Variants in ASIC2 observed in about 807,000 individuals in gnomAD.
ASIC2 encodes acid sensing ion channel subunit 2.
A neutral mutation model predicts 57.3 loss-of-function variants in ASIC2; 25 were observed. The observed-to-expected ratio is 0.44, with a 90% CI of 0.32 to 0.61. The LOEUF is 0.61. Ranked by LOEUF, ASIC2 falls within the 20% of genes least tolerant of loss-of-function variation. The pLI is 0.06. For synonymous variants in ASIC2, 319 were observed against 307.5 expected (o/e 1.04, Z -0.39); for missense variants, 641 against 738.1 (o/e 0.87, Z 1.52).
intron 1 of ASIC2, among the ~76,000 whole-genome samples, chr17:33,163,001 C>A (rs745968150): frequency 6.6e-6 from 1 of 152,188 alleles, no homozygotes; most frequent in Non-Finnish European, 1.5e-5. Flanking sequence ...GACTGAGAGT[C>A]TACTGGCCTG....
At chr17:33,962,475 C>G (rs1243458720) in intron 1 of ASIC2, among the ~76,000 whole-genome samples, 1 of 152,200 alleles carries the variant, frequency 6.6e-6, no homozygotes, top group Admixed American at 6.5e-5. Flanking sequence ...GTTCTTCATC[C>G]CAGAGCCACA....
chr17:33,879,913 C>A (rs960249206), intron 1 of ASIC2, among the ~76,000 whole-genome samples: 4 of 152,170 alleles, frequency 2.6e-5, no homozygotes, highest in Non-Finnish European at 4.4e-5. Context: ...GTCTCTCAGA[C>A]CACAGTGCAA....
At chr17:33,635,903 T>C (rs889368234) in intron 1 of ASIC2, among the ~76,000 whole-genome samples, 1 of 152,120 alleles carries the variant, frequency 6.6e-6, no homozygotes. Context: ...CTGCAAAACT[T>C]AGAAAACCAT....
At chr17:34,125,961 G>A (rs950989030) in intron 1 of ASIC2, among the ~76,000 whole-genome samples, 8 of 152,198 alleles carry the variant, frequency 5.3e-5, no homozygotes, top group Admixed American at 2.0e-4. Flanking sequence ...TTGGTCACAC[G>A]GCTATCCCAC....
intron 1 of ASIC2, among the ~76,000 whole-genome samples, chr17:33,588,801 A>G (rs1449702976): frequency 6.6e-6 from 1 of 152,202 alleles, no homozygotes; most frequent in African/African-American, 2.4e-5. Context: ...TGACTAAGCT[A>G]AAAAAGTGTG....
intron 1 of ASIC2, among the ~76,000 whole-genome samples, chr17:33,811,142 G>T (rs1053983252): frequency 5.3e-5 from 8 of 152,172 alleles, no homozygotes; most frequent in African/African-American, 1.9e-4. Flanking sequence ...ATTTCAACCT[G>T]CAGGTCAATT....
chr17:33,805,688 C>A (rs1912248556), intron 1 of ASIC2, among the ~76,000 whole-genome samples: 1 of 152,080 alleles, frequency 6.6e-6, no homozygotes, highest in Non-Finnish European at 1.5e-5. Context: ...TTGGAGAATC[C>A]TGTTTCTGAC....
chr17:33,708,849 G>A (rs943606050), intron 1 of ASIC2, among the ~76,000 whole-genome samples: 10 of 152,094 alleles, frequency 6.6e-5, no homozygotes, highest in Non-Finnish European at 1.0e-4. Flanking sequence ...TCCCTTCCTC[G>A]CACAAGCAGG....
At chr17:33,576,708 C>T (rs1437611337) in intron 1 of ASIC2, among the ~76,000 whole-genome samples, 1 of 152,084 alleles carries the variant, frequency 6.6e-6, no homozygotes, top group Non-Finnish European at 1.5e-5. Flanking sequence ...TGATAGCATG[C>T]AAGAAGGAGA....
At chr17:33,982,842 T>G (rs1905673622) in intron 1 of ASIC2, among the ~76,000 whole-genome samples, 1 of 152,240 alleles carries the variant, frequency 6.6e-6, no homozygotes, top group South Asian at 2.1e-4. Context: ...AACCTCAATA[T>G]ATGTGTGTAT....
At chr17:33,188,219 C>T (rs1906278109) in intron 1 of ASIC2, among the ~76,000 whole-genome samples, 1 of 151,770 alleles carries the variant, frequency 6.6e-6, no homozygotes, top group African/African-American at 2.4e-5. Flanking sequence ...TTAGACACTG[C>T]AAAAGAAAAG....
At chr17:33,320,836 C>T (rs1681147058) in intron 1 of ASIC2, among the ~76,000 whole-genome samples, 1 of 152,190 alleles carries the variant, frequency 6.6e-6, no homozygotes, top group Admixed American at 6.5e-5. Flanking sequence ...TCTGTGCCCA[C>T]TGCACTCTTA....
chr17:33,932,741 A>AAAAATATATAT (rs1555572867), intron 1 of ASIC2: 2 of 58,712 alleles, frequency 3.4e-5, no homozygotes, highest in African/African-American at 1.4e-4. Flanking sequence ...AAAAAAAAAA[A>AAAAATATATAT]ATATATATAT....
chr17:33,295,700 C>G (rs1321768004), upstream of ASIC2, among the ~76,000 whole-genome samples: 3 of 152,176 alleles, frequency 2.0e-5, no homozygotes, highest in African/African-American at 7.2e-5. Context: ...TGACCTAGCA[C>G]GTTGATGAAA....
chr17:33,445,281 A>T (rs1405391195), intron 1 of ASIC2, among the ~76,000 whole-genome samples: 1 of 152,014 alleles, frequency 6.6e-6, no homozygotes, highest in African/African-American at 2.4e-5. Flanking sequence ...TACAAAAAAA[A>T]TTAACTGGGC....
chr17:33,781,105 A>T (rs1049732960), intron 1 of ASIC2, among the ~76,000 whole-genome samples: 1 of 152,074 alleles, frequency 6.6e-6, no homozygotes, highest in Non-Finnish European at 1.5e-5. Context: ...GTTGGTGTGG[A>T]GGGGGATGGG....
intron 1 of ASIC2, among the ~76,000 whole-genome samples, chr17:33,436,677 C>T (rs531837715): frequency 1.3e-5 from 2 of 152,192 alleles, no homozygotes; most frequent in East Asian, 3.9e-4. Context: ...AGTGTCAGTC[C>T]TTTCACTCAG....
intron 1 of ASIC2, among the ~76,000 whole-genome samples, chr17:33,281,364 T>C (rs567479884): frequency 6.6e-6 from 1 of 152,324 alleles, no homozygotes; most frequent in East Asian, 1.9e-4. Context: ...CCTATTTTAA[T>C]GATGATAAGG....
intron 1 of ASIC2, among the ~76,000 whole-genome samples, chr17:33,280,220 G>C (rs914391724): frequency 6.6e-6 from 1 of 152,030 alleles, no homozygotes; most frequent in African/African-American, 2.4e-5. Flanking sequence ...TCCCCGGCCG[G>C]AATTATAAAA....
Sources: allele counts gnomAD v4.1 joint callset (sites outside exome capture counted in the v4.1 genomes callset), GRCh38; gene constraint gnomAD v4.1.1; transcripts MANE v1.5; gene names NCBI Gene and HGNC (gene_info 2026-07-23, HGNC 2026-07-21).